Variants in UNC5C observed in about 807,000 individuals in gnomAD.
The protein encoded by UNC5C is netrin receptor UNC5C.
In UNC5C, 47 loss-of-function variants were observed where a neutral mutation model predicts 99.8. That is an observed-to-expected ratio of 0.47 (90% confidence interval 0.37 to 0.60). UNC5C has a LOEUF of 0.60. Among genes scored for constraint, UNC5C ranks in the 20% least tolerant of loss-of-function variants. The pLI, the probability that UNC5C is intolerant of heterozygous loss-of-function variation, is 0.00. For synonymous variants in UNC5C, 487 were observed against 452.2 expected, an observed-to-expected ratio of 1.08 and a Z score of -0.98; for missense variants, 1,062 against 1,165.9, an observed-to-expected ratio of 0.91 and a Z score of 1.30.
At chr4:95,249,856 A>G (rs1209340404) in intron 5 of UNC5C, among the ~76,000 whole-genome samples, 1 of 152,198 alleles carries the variant, frequency 6.6e-6, no homozygotes, top group Non-Finnish European at 1.5e-5. Context: ...CACACCTCTG[A>G]TGGAGTGAGT....
At chr4:95,325,925 G>A (rs1323361000) in intron 2 of UNC5C, among the ~76,000 whole-genome samples, 1 of 152,112 alleles carries the variant, frequency 6.6e-6, no homozygotes, top group Non-Finnish European at 1.5e-5. Flanking sequence ...TAATTGTATT[G>A]CATAGCTCTT....
At chr4:95,319,187 G>A (rs1463522254) in intron 2 of UNC5C, among the ~76,000 whole-genome samples, 1 of 152,122 alleles carries the variant, frequency 6.6e-6, no homozygotes, top group Admixed American at 6.5e-5. Context: ...AGCATTACTA[G>A]AGAGCTTAAA....
chr4:95,447,278 A>C (rs923731466), intron 1 of UNC5C, among the ~76,000 whole-genome samples: 2 of 152,190 alleles, frequency 1.3e-5, no homozygotes, highest in African/African-American at 4.8e-5. Context: ...TACGAAATCC[A>C]AAAATAATAG....
At chr4:95,172,379 C>A (rs527537830) in intron 14 of UNC5C, among the ~76,000 whole-genome samples, 2 of 150,930 alleles carry the variant, frequency 1.3e-5, no homozygotes, top group African/African-American at 4.9e-5. Flanking sequence ...TTAGGTCTAA[C>A]GTTTATGTCT....
At chr4:95,313,686 A>G (rs1742361538) in intron 2 of UNC5C, among the ~76,000 whole-genome samples, 1 of 152,196 alleles carries the variant, frequency 6.6e-6, no homozygotes, top group African/African-American at 2.4e-5. Flanking sequence ...AGTATGTTCT[A>G]TTGAGGATTG....
At chr4:95,334,353 G>A (rs1743244161) in intron 2 of UNC5C, among the ~76,000 whole-genome samples, 1 of 151,842 alleles carries the variant, frequency 6.6e-6, no homozygotes, top group African/African-American at 2.4e-5. Context: ...ATCCATTTTG[G>A]TTCAGAGAGA....
At chr4:95,232,052 A>G (rs972327512) in intron 7 of UNC5C, among the ~76,000 whole-genome samples, 3 of 152,316 alleles carry the variant, frequency 2.0e-5, no homozygotes, top group Non-Finnish European at 2.9e-5. Flanking sequence ...AATGAATAGT[A>G]GATAATTAAC....
At chr4:95,172,919 G>T (rs991299691) in intron 14 of UNC5C, among the ~76,000 whole-genome samples, 1 of 152,062 alleles carries the variant, frequency 6.6e-6, no homozygotes, top group African/African-American at 2.4e-5. Flanking sequence ...ATTTCCTTGA[G>T]CAGTGGTTTG....
In UNC5C at chr4:95,245,083, C is replaced by A; in HGVS notation, c.837G>T (p.Gly279=). The A allele has an allele frequency of 1.2e-6, 2 of 1,614,158 alleles. No homozygotes were observed. The highest frequency in any genetic ancestry group is 1.7e-6 in the Non-Finnish European group (2 of 1,180,022). Residue 279 remains glycine, a synonymous_variant, in exon 6 of 16, where the codon GGG becomes GGT. Coordinates refer to ENST00000453304, the MANE Select transcript of UNC5C (RefSeq NM_003728.4). ...TACAAGTCCTTGTACGTTTCTGATA[C>A]CCTCGTCCACAGCGGCTGTTACACA... The part of the protein sequence containing the change: ...WSVCNSRCGR[G]YQKRTRTCTN...
intron 2 of UNC5C, among the ~76,000 whole-genome samples, chr4:95,319,251 G>C (rs1215457431): frequency 6.6e-6 from 1 of 152,136 alleles, no homozygotes; most frequent in Non-Finnish European, 1.5e-5. Context: ...TTATCTCTGG[G>C]GCTGGGGCCA....
At chr4:95,392,586 C>T (rs1426538039) in intron 1 of UNC5C, among the ~76,000 whole-genome samples, 1 of 151,944 alleles carries the variant, frequency 6.6e-6, no homozygotes. Context: ...GCATGCACCA[C>T]CAGGCCCAGA....
chr4:95,202,696 A>T, intron 12 of UNC5C, 35 bp downstream of exon 12: 1 of 1,596,730 alleles, frequency 6.3e-7, no homozygotes, highest in East Asian at 2.3e-5. Context: ...TTCCAGGTGG[A>T]GGTGAAGAGG....
chr4:95,489,651 T>C (rs1721426272), intron 1 of UNC5C, among the ~76,000 whole-genome samples: 1 of 151,652 alleles, frequency 6.6e-6, no homozygotes, highest in Non-Finnish European at 1.5e-5. Context: ...GAGAGATGTA[T>C]GTGTGGGAGA....
rs112523991 is a variant in UNC5C at position 95,425,898 on chromosome 4, T to C, written c.125-90267A>G. On this transcript the variant is annotated intron_variant, in intron 1 of 15. Transcript: ENST00000453304. Reference sequence around the variant, plus strand: ...TCTTCAGCTTCATGTTTTAAATTTTTATTATAACTTCAAAGAGTTTTTTAA... The same window carrying C: ...TCTTCAGCTTCATGTTTTAAATTTTCATTATAACTTCAAAGAGTTTTTTAA... Among the ~76,000 whole-genome samples, 983 of 152,310 alleles carry C rather than the reference T, an allele frequency of 6.5e-3. 10 individuals carry two copies. The highest frequency in any genetic ancestry group is 0.023 in the African/African-American group (936 of 41,566).
intron 2 of UNC5C, among the ~76,000 whole-genome samples, chr4:95,324,028 T>C (rs1742797055): frequency 6.6e-6 from 1 of 151,862 alleles, no homozygotes; most frequent in Non-Finnish European, 1.5e-5. Context: ...AGAGTGAGAC[T>C]CCATCTCAAA....
chr4:95,172,717 A>G (rs373321565), intron 14 of UNC5C, among the ~76,000 whole-genome samples: 1 of 151,816 alleles, frequency 6.6e-6, no homozygotes, highest in Non-Finnish European at 1.5e-5. Context: ...TGACTTGGCA[A>G]TGCGGGCTCT....
intron 7 of UNC5C, among the ~76,000 whole-genome samples, chr4:95,230,778 A>T (rs1738883820): frequency 6.6e-6 from 1 of 151,630 alleles, no homozygotes; most frequent in Non-Finnish European, 1.5e-5. Flanking sequence ...CAGGCTTAAA[A>T]ATGAGACAGA....
intron 3 of UNC5C, among the ~76,000 whole-genome samples, chr4:95,300,709 T>G (rs1184785933): frequency 6.6e-6 from 1 of 151,888 alleles, no homozygotes; most frequent in African/African-American, 2.4e-5. Context: ...TAAAGAAAAA[T>G]TACTCAGTGC....
chr4:95,236,326 C>G (rs375452475), intron 7 of UNC5C, among the ~76,000 whole-genome samples: 2 of 151,572 alleles, frequency 1.3e-5, no homozygotes, highest in Non-Finnish European at 2.9e-5. Context: ...AGCAAACTAT[C>G]GCAAGGACAA....
Sources: allele counts gnomAD v4.1 joint callset (sites outside exome capture counted in the v4.1 genomes callset), GRCh38; gene constraint gnomAD v4.1.1; transcripts MANE v1.5; gene names NCBI Gene and HGNC (gene_info 2026-07-23, HGNC 2026-07-21).